Variants in FSD1 observed in about 807,000 individuals in gnomAD.
FSD1 encodes fibronectin type III and SPRY domain containing 1, also known as fibronectin type III and SPRY domain-containing protein 1.
In FSD1, 23 loss-of-function variants were observed where a neutral mutation model predicts 58.2. The observed-to-expected ratio is 0.40, with a 90% confidence interval of 0.28 to 0.56. The LOEUF (loss-of-function observed/expected upper bound fraction) is 0.56, where lower values mean the gene tolerates loss of function less well. Among genes scored for constraint, FSD1 ranks in the 20% least tolerant of loss-of-function variants. The pLI is 0.54. For synonymous variants in FSD1, 265 were observed against 263.4 expected, an observed-to-expected ratio of 1.01 and a Z score of -0.06; for missense variants, 563 against 670.8, an observed-to-expected ratio of 0.84 and a Z score of 1.78.
intron 4 of FSD1, among the ~76,000 whole-genome samples, chr19:4,308,279 G>T (rs1193742942): frequency 6.6e-6 from 1 of 152,034 alleles, no homozygotes; most frequent in Non-Finnish European, 1.5e-5. Context: ...GTGGTGGTGG[G>T]CGCCTGTAAT....
chr19:4,306,939 G>A (rs1183860301), intron 3 of FSD1, among the ~76,000 whole-genome samples: 4 of 152,174 alleles, frequency 2.6e-5, no homozygotes, highest in Non-Finnish European at 5.9e-5. Context: ...CAGACTCCAA[G>A]CTGGAGTCAC....
chr19:4,312,102 C>G (rs1674202496), intron 7 of FSD1, 51 bp downstream of exon 7: 1 of 1,468,834 alleles, frequency 6.8e-7, no homozygotes, highest in Admixed American at 1.9e-5. Flanking sequence ...CCACCTCTTC[C>G]AGCCTCCCGT....
At chr19:4,306,470 CTCTT>C (rs1452059451) in intron 3 of FSD1, 141 bp downstream of exon 3, 2 of 740,928 alleles carry the variant, frequency 2.7e-6, no homozygotes, top group African/African-American at 1.8e-5. Flanking sequence ...TGTACACTCT[CTCTT>C]TTTTTTTTTT....
intron 10 of FSD1, among the ~76,000 whole-genome samples, chr19:4,321,082 A>T (rs1033043581): frequency 1.8e-5 from 2 of 113,552 alleles, no homozygotes; most frequent in African/African-American, 3.5e-5. Context: ...GAAATAGCTG[A>T]GACTGAGGAG....
At chr19:4,317,657 G>C (rs536058851) in intron 8 of FSD1, among the ~76,000 whole-genome samples, 3 of 152,306 alleles carry the variant, frequency 2.0e-5, no homozygotes, top group Admixed American at 2.0e-4. Flanking sequence ...ACTCCCTTGT[G>C]CTGTAGCCCA....
At chr19:4,318,790 G>A in intron 9 of FSD1, 82 bp from the exon 10 acceptor site, 1 of 1,103,724 alleles carries the variant, frequency 9.1e-7, no homozygotes, top group Non-Finnish European at 1.4e-6. Flanking sequence ...CGGTGGCTGG[G>A]GTGGACTAGG....
intron 6 of FSD1, 186 bp downstream of exon 6, chr19:4,310,782 G>T: frequency 1.6e-6 from 1 of 611,784 alleles, no homozygotes; most frequent in Non-Finnish European, 2.8e-6. Context: ...GCCCCTGGGT[G>T]GAGCCATGGG....
chr19:4,317,617 T>G (rs752192566), intron 8 of FSD1, among the ~76,000 whole-genome samples: 1 of 152,148 alleles, frequency 6.6e-6, no homozygotes, highest in African/African-American at 2.4e-5. Flanking sequence ...TCACATGCCC[T>G]GCTAGGAAGT....
chr19:4,311,962 G>A lies in FSD1; in HGVS notation c.611G>A (p.Arg204Gln), dbSNP rs752149632. 2.0e-5 allele frequency: 32 copies of A among 1,612,452 alleles called. No homozygotes were observed. Among genetic ancestry groups the A allele is most frequent in the Admixed American group, 6.7e-5 (4 of 59,982 alleles). Residue 204 changes from arginine to glutamine, a missense_variant, in exon 7 of 13, where the codon CGG becomes CAG. Physicochemically the swap from Arg to Gln is conservative, Grantham distance 43. Coordinates refer to ENST00000221856, the MANE Select transcript of FSD1 (RefSeq NM_024333.3). ...GACCACTACGTGCTGGAGTACCGGC[G>A]GACCAACTTCGAGGGCCCGCCCCGC... Reference protein sequence around the residue: ...KIDHYVLEYRRTNFEGPPRLK... With the variant: ...KIDHYVLEYRQTNFEGPPRLK...
rs3833275 is a variant in FSD1, at chr19:4,318,614, G to GT, written c.959+110dup. The GT allele has an allele frequency of 4.6e-4, 471 of 1,023,134 alleles. 1 individual carries two copies. The East Asian group carries it at 0.011, about 23-fold the overall frequency. 63.4% of individuals were successfully genotyped at this position (1,023,134 alleles called of 1,614,324 possible). ...GGGGTGGAGAGGGGACCTGGGGCTG[G>GT]TGGAACCCAGAGAGGGAATGAAGGG... is the stretch of plus-strand genomic sequence containing the variant. On this transcript the variant is annotated intron_variant, in intron 9 of 12. Transcript: ENST00000221856.
At chr19:4,321,757 G>T (rs1441715600) in intron 10 of FSD1, among the ~76,000 whole-genome samples, 1 of 151,500 alleles carries the variant, frequency 6.6e-6, no homozygotes, top group East Asian at 1.9e-4. Context: ...GGGGCCCAAG[G>T]AGTATCTGAG....
chr19:4,304,790 G>T, intron 1 of FSD1, 29 bp downstream of exon 1: 1 of 449,232 alleles, frequency 2.2e-6, no homozygotes, highest in South Asian at 1.1e-4. Context: ...GGGCGGGCCC[G>T]CAGGGGCGTC....
chr19:4,304,818 C>T, intron 1 of FSD1, 57 bp downstream of exon 1: 1 of 516,198 alleles, frequency 1.9e-6, no homozygotes, highest in East Asian at 4.0e-5. Context: ...GGGAAGGGGA[C>T]CAGGTGTTGC....
chr19:4,310,603 G>T lies in FSD1; in HGVS notation c.490+7G>T. 6.2e-7 allele frequency: 1 copy of T among 1,611,660 alleles called. No individual in the cohort carries two copies. Among genetic ancestry groups the T allele is most frequent in the South Asian group, 1.1e-5 (1 of 90,956 alleles). On this transcript the variant is annotated splice_region_variant and intron_variant, in intron 6 of 12. Transcript: ENST00000221856. Reference sequence around the variant, plus strand: ...GCACTCAAGTTCCTGCCTGGTGAGAGGGGCACGCACTAGAGGGCCAGGACT... The same window carrying T: ...GCACTCAAGTTCCTGCCTGGTGAGATGGGCACGCACTAGAGGGCCAGGACT...
rs1258419678 is a variant in FSD1, at chr19:4,310,782, G to A, written c.490+186G>A. ...TTCTCATGGAGCCCCGCCCCTGGGT[G>A]GAGCCATGGGAAGACCCCACCCACT... On this transcript the variant is annotated intron_variant, in intron 6 of 12. Transcript: ENST00000221856. 2.0e-5 allele frequency: 12 copies of A among 611,664 alleles called. 1 individual carries two copies. Among genetic ancestry groups the A allele is most frequent in the Non-Finnish European group, 3.4e-5 (12 of 357,752 alleles). 37.9% of individuals were successfully genotyped at this position (611,664 alleles called of 1,614,324 possible).
intron 10 of FSD1, 60 bp downstream of exon 10, chr19:4,319,011 G>C (rs975519118): frequency 1.5e-6 from 2 of 1,337,060 alleles, no homozygotes; most frequent in East Asian, 4.6e-5. Context: ...AATGGTGGGG[G>C]TTGAGGGAGA....
rs190393772 is a variant in FSD1, at chr19:4,306,027, C to T, written c.97C>T (p.Leu33=). Residue 33 remains leucine, a synonymous_variant, in exon 2 of 13, where the codon CTG becomes TTG. Transcript: ENST00000221856. The stretch of plus-strand genomic sequence containing the variant: ...CTTTATCTACTCCCTGAAACAGATG[C>T]TGCTGAACGTGGAGGTGAAGGCGGT... The part of the protein sequence containing the change: ...QSFIYSLKQM[L]LNVEANSAKV... 1 of 1,613,844 alleles carries T rather than the reference C, an allele frequency of 6.2e-7. No individual in the cohort carries two copies. Among genetic ancestry groups the T allele is most frequent in the Non-Finnish European group, 8.5e-7 (1 of 1,179,792 alleles).
chr19:4,316,587 G>A (rs1475191716), intron 7 of FSD1, among the ~76,000 whole-genome samples: 2 of 151,978 alleles, frequency 1.3e-5, no homozygotes, highest in Non-Finnish European at 2.9e-5. Context: ...CGCCCAGGCT[G>A]GAGTGCAGTC....
In FSD1 at chr19:4,315,046, G is replaced by A. The variant is rs535085403; in HGVS notation, c.701-2136G>A. On this transcript the variant is annotated intron_variant, in intron 7 of 12. Transcript: ENST00000221856. ...GATGAAAGCAGCTGCCTATGTGGTCGTTTGCAATCCACCTACTGTTTTGTT... is the reference window on the plus strand; with the variant it reads ...GATGAAAGCAGCTGCCTATGTGGTCATTTGCAATCCACCTACTGTTTTGTT... 5.3e-5 allele frequency among the ~76,000 whole-genome samples: 8 copies of A among 152,328 alleles called. No individual in the cohort carries two copies. The South Asian group carries it at 1.0e-3, about 20-fold the overall frequency.
Sources: allele counts gnomAD v4.1 joint callset (sites outside exome capture counted in the v4.1 genomes callset), GRCh38; gene constraint gnomAD v4.1.1; transcripts MANE v1.5; gene names NCBI Gene and HGNC (gene_info 2026-07-23, HGNC 2026-07-21).